Variants in MDH1B observed in about 807,000 individuals in gnomAD.
MDH1B encodes the protein malate dehydrogenase 1B.
In MDH1B, 60 loss-of-function variants were observed where a neutral mutation model predicts 61.4. That is an observed-to-expected ratio of 0.98 (90% CI 0.79 to 1.21). The LOEUF (loss-of-function observed/expected upper bound fraction) is 1.21. Among genes scored for constraint, MDH1B ranks in the 50% most tolerant of loss-of-function variants. The pLI is 0.00. For missense variants in MDH1B, 587 were observed against 632.1 expected (o/e 0.93, Z 0.76); for synonymous variants, 236 against 218.7 (o/e 1.08, Z -0.70).
At chr2:206,761,200 T>C (rs879608292) in intron 1 of MDH1B, among the ~76,000 whole-genome samples, 187 bp from the exon 2 acceptor site, 1 of 152,168 alleles carries the variant, frequency 6.6e-6, no homozygotes, top group Non-Finnish European at 1.5e-5. Flanking sequence ...TAAAATAAAC[T>C]TCATAGGAGG....
In MDH1B at chr2:206,738,111, A is replaced by G. The variant is rs1449320808; in HGVS notation, c.*372T>C. ...GAGGCCAAGGTGATGAGGACATTTG[A>G]GCAAACATGGCCACTTAGGTGCAGG... On this transcript the variant is annotated 3_prime_UTR_variant, in exon 12 of 12. Transcript: ENST00000374412. The G allele has an allele frequency of 6.0e-6, 1 of 166,102 alleles. No individual in the cohort carries two copies. Among genetic ancestry groups the G allele is most frequent in the Non-Finnish European group, 1.3e-5 (1 of 77,750 alleles). 10.3% of individuals were successfully genotyped at this position (166,102 alleles called of 1,614,324 possible).
intron 8 of MDH1B, 53 bp from the exon 9 acceptor site, chr2:206,745,726 T>G: frequency 8.5e-7 from 1 of 1,176,124 alleles, no homozygotes; most frequent in Non-Finnish European, 1.2e-6. Flanking sequence ...CTAACTTAAT[T>G]CTTCTTTTTT....
chr2:206,749,682 A>C (rs566587673), intron 6 of MDH1B, among the ~76,000 whole-genome samples: 1 of 152,364 alleles, frequency 6.6e-6, no homozygotes, highest in East Asian at 1.9e-4. Flanking sequence ...AAGTTCATTT[A>C]TGTTTCACAT....
chr2:206,739,182 A>G (rs1444669600), intron 11 of MDH1B, among the ~76,000 whole-genome samples: 1 of 152,178 alleles, frequency 6.6e-6, no homozygotes, highest in Non-Finnish European at 1.5e-5. Flanking sequence ...TTGGAAGGCC[A>G]AAGTGGATGG....
At chr2:206,748,271 C>T (rs1313933065) in intron 7 of MDH1B, among the ~76,000 whole-genome samples, 3 of 152,082 alleles carry the variant, frequency 2.0e-5, no homozygotes, top group South Asian at 4.2e-4. Context: ...CCCAGCTACT[C>T]GGGAGGCTGG....
At position 206,751,376 on chromosome 2, in the gene MDH1B, C is replaced by T. The variant is rs1688429504; in HGVS notation, c.911-301G>A. Among the ~76,000 whole-genome samples, 2 of 152,044 alleles carry T rather than the reference C, an allele frequency of 1.3e-5. 1 individual carries two copies. Among genetic ancestry groups the T allele is most frequent in the South Asian group, 4.2e-4 (2 of 4,806 alleles). ...GAAAATTATTTCACTGGTGTTTGTCCTGACTTTGCTTACCATTGAGAGAGA... is the reference window on the plus strand; with the variant it reads ...GAAAATTATTTCACTGGTGTTTGTCTTGACTTTGCTTACCATTGAGAGAGA... On this transcript the variant is annotated intron_variant, in intron 5 of 11. Transcript: ENST00000374412.
intron 6 of MDH1B, among the ~76,000 whole-genome samples, chr2:206,749,557 A>G (rs1273041602): frequency 6.6e-6 from 1 of 152,224 alleles, no homozygotes; most frequent in East Asian, 1.9e-4. Flanking sequence ...TAAACATTGA[A>G]TTACAGGTTG....
chr2:206,739,762 T>C, intron 10 of MDH1B, 101 bp from the exon 11 acceptor site: 1 of 1,001,726 alleles, frequency 1.0e-6, no homozygotes, highest in Admixed American at 2.0e-5. Context: ...CTCTGAGGTT[T>C]CTCTGAATGC....
chr2:206,739,430 C>T (rs964284232), intron 11 of MDH1B, among the ~76,000 whole-genome samples, 163 bp downstream of exon 11: 4 of 151,672 alleles, frequency 2.6e-5, no homozygotes, highest in South Asian at 2.1e-4. Flanking sequence ...AAAAGTGGGA[C>T]GCTGGGATCC....
chr2:206,743,335 T>C (rs982616684), intron 9 of MDH1B, among the ~76,000 whole-genome samples: 6 of 152,170 alleles, frequency 3.9e-5, no homozygotes, highest in Non-Finnish European at 7.3e-5. Context: ...TCCTTGTTCT[T>C]GAAACACCCT....
At chr2:206,739,224 G>A (rs1338871234) in intron 11 of MDH1B, among the ~76,000 whole-genome samples, 3 of 152,042 alleles carry the variant, frequency 2.0e-5, no homozygotes, top group African/African-American at 7.2e-5. Context: ...AGACCAGCCT[G>A]GGAAACATTG....
chr2:206,750,840 T>A, intron 6 of MDH1B, 94 bp downstream of exon 6: 1 of 1,111,706 alleles, frequency 9.0e-7, no homozygotes, highest in Non-Finnish European at 1.2e-6. Context: ...CAAGTTATTT[T>A]TGTACAAAGA....
chr2:206,759,705 T>G (rs1447895218), intron 2 of MDH1B, among the ~76,000 whole-genome samples: 2 of 152,212 alleles, frequency 1.3e-5, no homozygotes, highest in African/African-American at 4.8e-5. Context: ...GAGCATTTTT[T>G]CATATGATTG....
At chr2:206,756,876 T>A (rs768452007) in intron 4 of MDH1B, 22 bp downstream of exon 4, 1 of 1,612,006 alleles carries the variant, frequency 6.2e-7, no homozygotes, top group Non-Finnish European at 8.5e-7. Context: ...ATCTCATGAA[T>A]CCTGGGATTT....
intron 5 of MDH1B, 148 bp from the exon 6 acceptor site, chr2:206,751,223 T>C: frequency 1.8e-6 from 1 of 564,090 alleles, no homozygotes; most frequent in Middle Eastern, 4.8e-4. Context: ...TTCCTAAAAT[T>C]GTGCAAATTG....
At chr2:206,759,563 A>G (rs184221034) in intron 2 of MDH1B, among the ~76,000 whole-genome samples, 2 of 152,308 alleles carry the variant, frequency 1.3e-5, no homozygotes, top group Admixed American at 1.3e-4. Flanking sequence ...ATAGCCTATA[A>G]GTGTTCCTTT....
chr2:206,757,864 A>G (rs1317092449), intron 2 of MDH1B, among the ~76,000 whole-genome samples: 2 of 152,220 alleles, frequency 1.3e-5, no homozygotes, highest in African/African-American at 4.8e-5. Flanking sequence ...TTATCAGAAA[A>G]AATTTAAATT....
intron 1 of MDH1B, 134 bp downstream of exon 1, chr2:206,765,116 A>T (rs1001597891): frequency 5.4e-6 from 6 of 1,112,310 alleles, no homozygotes; most frequent in Non-Finnish European, 7.5e-6. Flanking sequence ...GTCACGGTCC[A>T]GTAAAAAACT....
chr2:206,738,938 A>C (rs1263113993), intron 11 of MDH1B, among the ~76,000 whole-genome samples: 1 of 152,146 alleles, frequency 6.6e-6, no homozygotes, highest in Non-Finnish European at 1.5e-5. Flanking sequence ...TGGACATTTA[A>C]ATAAAAGGGT....
Sources: allele counts gnomAD v4.1 joint callset (sites outside exome capture counted in the v4.1 genomes callset), GRCh38; gene constraint gnomAD v4.1.1; transcripts MANE v1.5; gene names NCBI Gene and HGNC (gene_info 2026-07-23, HGNC 2026-07-21).